The following EPG5 variants were observed in gnomAD, a reference collection of about 807,000 sequenced individuals.
EPG5 encodes the protein ectopic P granules protein 5 homolog.
In EPG5, 159 loss-of-function variants were observed where a neutral mutation model predicts 302.7. That is an observed-to-expected ratio of 0.53 (90% CI 0.46 to 0.60). The LOEUF is 0.60. Ranked by LOEUF, EPG5 falls within the 20% of genes least tolerant of loss-of-function variation. EPG5 has a pLI of 0.00. For synonymous variants in EPG5, 1,158 were observed against 1,136.8 expected, an observed-to-expected ratio of 1.02 and a Z score of -0.37; for missense variants, 2,896 against 3,092.4, an observed-to-expected ratio of 0.94 and a Z score of 1.51.
At chr18:45,855,409 TGGCACATGAAACCATTTTCCCGTAAGTAG>T (rs1212118263) in intron 43 of EPG5, 135 bp downstream of exon 43, 1 of 555,862 alleles carries the variant, frequency 1.8e-6, no homozygotes, top group Non-Finnish European at 3.2e-6. Context: ...ATTTGGAGGT[TGGCACATGAAACCATTTTCCCGTAAGTAG>T]GGCACATGAA....
the EPG5 span, among the ~76,000 whole-genome samples, chr18:45,841,718 G>T: frequency 6.6e-6 from 1 of 152,180 alleles, no homozygotes; most frequent in Non-Finnish European, 1.5e-5. Context: ...GGAGAAGAGA[G>T]TGGGGCGGGT....
Position 45,880,133 on chromosome 18 carries a change from G to A in EPG5, c.5609C>T (p.Ala1870Val). The change falls in exon 32 of 44, where the codon GCG becomes GTG. Residue 1870 changes from alanine to valine, a missense_variant. Ala to Val is a moderately conservative substitution (Grantham distance 64, BLOSUM62 0). Around this residue, in one of 5 missense-constraint regions of EPG5, gnomAD observed 790 missense variants for 798.0 expected, o/e 0.99. Transcript: ENST00000282041. ...CCAPSCQQGA[A>V]STEGAVLPSS... ...GGGAAGCACGGCGCCCTCGGTGGAC[G>A]CTGCCCCCTGCTGGCAGCTGGGGGC... 1 of 1,611,088 alleles carries A rather than the reference G, an allele frequency of 6.2e-7. No individual in the cohort carries two copies. The highest frequency in any genetic ancestry group is 8.5e-7 in the Non-Finnish European group (1 of 1,178,104).
At chr18:45,829,246 C>A in the EPG5 span, 1 of 740,864 alleles carries the variant, frequency 1.3e-6, no homozygotes, top group Non-Finnish European at 1.6e-6. Context: ...AAAGGGGAAG[C>A]CAGATAACCC....
At chr18:45,811,466 A>G in the EPG5 span, among the ~76,000 whole-genome samples, 1 of 152,182 alleles carries the variant, frequency 6.6e-6, no homozygotes. Flanking sequence ...ACACACAAAA[A>G]AGAGAATTTT....
intron 14 of EPG5, among the ~76,000 whole-genome samples, chr18:45,925,110 C>T (rs1044427372): frequency 2.6e-5 from 4 of 152,012 alleles, no homozygotes; most frequent in Admixed American, 2.6e-4. Flanking sequence ...AGACAAATTA[C>T]AGGAGAAAAA....
chr18:45,926,267 T>G (rs1406022791), intron 13 of EPG5, among the ~76,000 whole-genome samples: 1 of 152,184 alleles, frequency 6.6e-6, no homozygotes, highest in African/African-American at 2.4e-5. Context: ...TTATTCATTC[T>G]ATGGCATTTA....
At chr18:45,960,960 A>T (rs1188744183) in intron 1 of EPG5, among the ~76,000 whole-genome samples, 1 of 152,138 alleles carries the variant, frequency 6.6e-6, no homozygotes, top group East Asian at 1.9e-4. Flanking sequence ...TTTCAAAATT[A>T]ACATATGTAA....
chr18:45,859,473 C>T (rs2048586829), intron 40 of EPG5, among the ~76,000 whole-genome samples: 1 of 152,182 alleles, frequency 6.6e-6, no homozygotes, highest in Non-Finnish European at 1.5e-5. Context: ...CTCACTACTG[C>T]TTCTCTCCCA....
Position 45,880,148 on chromosome 18 carries a change from CA to C in EPG5, c.5593del (p.Cys1865AlafsTer26). The C allele has an allele frequency of 6.2e-7, 1 of 1,611,548 alleles. No homozygotes were observed. Among genetic ancestry groups the C allele is most frequent in the Non-Finnish European group, 8.5e-7 (1 of 1,178,582 alleles). ...CTCGGTGGACGCTGCCCCCTGCTGG[CA>C]GCTGGGGGCGCAGCAGCCCAGGGCT... Reference protein sequence around the residue: ...LRALGCCAPSCQQGAASTEGA... With the variant: ...LRALGCCAPSXQQGAASTEGA... On this transcript the variant is annotated frameshift_variant, in exon 32 of 44. Coordinates refer to ENST00000282041, the MANE Select transcript of EPG5 (RefSeq NM_020964.3). LOFTEE classifies it high-confidence loss of function.
At chr18:45,801,097 T>A in the EPG5 span, among the ~76,000 whole-genome samples, 1 of 152,118 alleles carries the variant, frequency 6.6e-6, no homozygotes, top group African/African-American at 2.4e-5. Context: ...AGTGCAGTGG[T>A]ACGATCTCAG....
At chr18:45,802,757 T>C in the EPG5 span, among the ~76,000 whole-genome samples, 1 of 152,214 alleles carries the variant, frequency 6.6e-6, no homozygotes, top group African/African-American at 2.4e-5. Flanking sequence ...TCTAATCACA[T>C]CCTAGGATCT....
intron 10 of EPG5, among the ~76,000 whole-genome samples, chr18:45,938,358 A>G (rs903241466): frequency 6.6e-6 from 1 of 151,748 alleles, no homozygotes; most frequent in Non-Finnish European, 1.5e-5. Context: ...GCTACTTGGA[A>G]GGCTGAGGTG....
chr18:45,896,146 A>G (rs919130901), intron 27 of EPG5, among the ~76,000 whole-genome samples: 2 of 152,264 alleles, frequency 1.3e-5, no homozygotes, highest in African/African-American at 4.8e-5. Flanking sequence ...ACTAGCAACA[A>G]CAGTACTATA....
At chr18:45,831,696 A>G in the EPG5 span, among the ~76,000 whole-genome samples, 1 of 152,172 alleles carries the variant, frequency 6.6e-6, no homozygotes, top group African/African-American at 2.4e-5. Flanking sequence ...AGCTGGTCCA[A>G]CATGCTAAAT....
At chr18:45,964,250 T>A (rs2143932369) in intron 1 of EPG5, among the ~76,000 whole-genome samples, 1 of 152,320 alleles carries the variant, frequency 6.6e-6, no homozygotes, top group East Asian at 1.9e-4. Flanking sequence ...AAAGCATCTG[T>A]AACATTCTAT....
Position 45,949,884 on chromosome 18 carries a change from A to G in EPG5, c.1390-293T>C, listed in dbSNP as rs116605895. ...AGATATAAGTCAAGTAGTTTAATCT[A>G]TTCTTAGTTTGTAATGGTTTCTTAA... On this transcript the variant is annotated intron_variant, in intron 4 of 43. Coordinates refer to ENST00000282041, the MANE Select transcript of EPG5 (RefSeq NM_020964.3). Among the ~76,000 whole-genome samples, 797 of 152,334 alleles carry G rather than the reference A, an allele frequency of 5.2e-3. 5 individuals are homozygous for G. Among genetic ancestry groups the G allele is most frequent in the African/African-American group, 0.018 (742 of 41,566 alleles).
At chr18:45,884,560 G>A in intron 30 of EPG5, 57 bp downstream of exon 30, 3 of 1,469,602 alleles carry the variant, frequency 2.0e-6, no homozygotes, top group Non-Finnish European at 2.8e-6. Flanking sequence ...TGTAGAGGAG[G>A]AAGCAACAAT....
At chr18:45,929,767 T>C (rs2050357771) in intron 12 of EPG5, among the ~76,000 whole-genome samples, 1 of 152,200 alleles carries the variant, frequency 6.6e-6, no homozygotes, top group African/African-American at 2.4e-5. Context: ...ATGAAGACAG[T>C]CTGAATTCCA....
chr18:45,817,084 T>A, the EPG5 span, among the ~76,000 whole-genome samples: 1 of 152,190 alleles, frequency 6.6e-6, no homozygotes, highest in Non-Finnish European at 1.5e-5. Context: ...AAAGGCTTAA[T>A]AACTACACAA....
Sources: gnomAD v4.1 joint callset for allele counts (sites outside exome capture counted in the v4.1 genomes callset) on GRCh38, gnomAD v4.1.1 for gene constraint, gnomAD v4.1.1 regional missense constraint, MANE v1.5 for transcripts, NCBI Gene and HGNC (gene_info 2026-07-23, HGNC 2026-07-21) for gene names.